The following GRIA2 variants were observed in gnomAD, a reference collection of about 807,000 sequenced individuals.
GRIA2 encodes the protein glutamate receptor 2.
In GRIA2, 14 loss-of-function variants were observed where a neutral mutation model predicts 97.3. The ratio of observed to expected loss-of-function variants is 0.14; its 90% CI spans 0.10 to 0.23. The LOEUF (loss-of-function observed/expected upper bound fraction) is 0.23, where lower values mean the gene tolerates loss of function less well. Ranked by LOEUF, GRIA2 falls within the 10% of genes least tolerant of loss-of-function variation. GRIA2 has a pLI of 1.00. For synonymous variants in GRIA2, 412 were observed against 387.8 expected (o/e 1.06, Z -0.73); for missense variants, 558 against 1,069.8 (o/e 0.52, Z 6.67).
At chr4:157,274,764 T>C (rs1732205711) in intron 2 of GRIA2, among the ~76,000 whole-genome samples, 1 of 151,790 alleles carries the variant, frequency 6.6e-6, no homozygotes, top group Non-Finnish European at 1.5e-5. Flanking sequence ...ATCCAGTCTA[T>C]CATTGTTGGA....
chr4:157,291,655 C>A (rs1276757163), intron 2 of GRIA2, among the ~76,000 whole-genome samples: 1 of 151,810 alleles, frequency 6.6e-6, no homozygotes. Flanking sequence ...GCATAGATCC[C>A]ATATTAATGG....
intron 2 of GRIA2, among the ~76,000 whole-genome samples, chr4:157,275,801 G>A (rs557332115): frequency 7.9e-5 from 12 of 151,936 alleles, no homozygotes; most frequent in Admixed American, 3.9e-4. Context: ...GTCAGGTAGC[G>A]TGATGCCTCC....
chr4:157,326,034 C>A (rs1488412450), intron 6 of GRIA2, among the ~76,000 whole-genome samples: 1 of 152,108 alleles, frequency 6.6e-6, no homozygotes, highest in African/African-American at 2.4e-5. Context: ...CCCTGTCACC[C>A]AGTCCCATGG....
chr4:157,230,823 A>T (rs1236535444), intron 2 of GRIA2, among the ~76,000 whole-genome samples: 1 of 151,794 alleles, frequency 6.6e-6, no homozygotes, highest in Non-Finnish European at 1.5e-5. Flanking sequence ...GGCACTATGC[A>T]TTTGGTTTTG....
chr4:157,295,405 G>A (rs1056890825), intron 2 of GRIA2, among the ~76,000 whole-genome samples: 9 of 152,032 alleles, frequency 5.9e-5, no homozygotes, highest in African/African-American at 2.2e-4. Context: ...TCATCATTGA[G>A]GCAATTTATG....
intron 2 of GRIA2, among the ~76,000 whole-genome samples, chr4:157,279,071 C>G (rs1732477550): frequency 6.6e-6 from 1 of 152,062 alleles, no homozygotes; most frequent in Non-Finnish European, 1.5e-5. Flanking sequence ...ACTAAACATA[C>G]TTTTATCATA....
intron 12 of GRIA2, among the ~76,000 whole-genome samples, chr4:157,347,990 G>A (rs1334072523): frequency 3.3e-5 from 5 of 152,074 alleles, no homozygotes; most frequent in African/African-American, 7.2e-5. Context: ...TGAGCGTGAC[G>A]GCACGTGCCC....
At chr4:157,308,840 G>A (rs941756177) in intron 3 of GRIA2, among the ~76,000 whole-genome samples, 2 of 152,250 alleles carry the variant, frequency 1.3e-5, no homozygotes, top group Middle Eastern at 6.8e-3. Context: ...ACAAATCTGT[G>A]TTATGTTTGA....
chr4:157,249,376 T>A (rs1730923439), intron 2 of GRIA2: 1 of 152,184 alleles, frequency 6.6e-6, no homozygotes, highest in African/African-American at 2.4e-5. Context: ...AACATTCTAA[T>A]CCTTACTACC....
intron 2 of GRIA2, among the ~76,000 whole-genome samples, chr4:157,275,003 A>G (rs923233339): frequency 2.6e-5 from 4 of 151,278 alleles, no homozygotes; most frequent in Non-Finnish European, 1.5e-5. Flanking sequence ...AAGTGTTCCT[A>G]TTTCTCCACA....
At chr4:157,356,835 A>G (rs1736403600) in intron 12 of GRIA2, among the ~76,000 whole-genome samples, 1 of 152,152 alleles carries the variant, frequency 6.6e-6, no homozygotes, top group Non-Finnish European at 1.5e-5. Context: ...TCCCCAGTGC[A>G]TCAGGTAGAC....
At chr4:157,305,579 T>G (rs1733806692) in intron 3 of GRIA2, among the ~76,000 whole-genome samples, 1 of 152,172 alleles carries the variant, frequency 6.6e-6, no homozygotes, top group African/African-American at 2.4e-5. Flanking sequence ...TCTTGCTCAC[T>G]CATTAAAGGT....
intron 3 of GRIA2, among the ~76,000 whole-genome samples, chr4:157,308,905 G>A (rs1051344858): frequency 6.6e-6 from 1 of 151,972 alleles, no homozygotes; most frequent in African/African-American, 2.4e-5. Context: ...TTTAAAAATG[G>A]TATATTGATT....
In GRIA2 at chr4:157,321,487, TC is replaced by T; in HGVS notation, c.771del (p.Ser258LeufsTer5). On this transcript the variant is annotated frameshift_variant, in exon 6 of 16. Coordinates refer to ENST00000264426, the MANE Select transcript of GRIA2 (RefSeq NM_001083619.3). LOFTEE classifies it high-confidence loss of function. ...LLKIQFGGANVSGFQIVDYDD... is the reference protein window; with the variant it reads ...LLKIQFGGANXSGFQIVDYDD... The stretch of plus-strand genomic sequence containing the variant: ...AAAATCCAGTTTGGAGGTGCAAATG[TC>T]TCTGGATTTCAGATAGTGGACTATG... The T allele has an allele frequency of 6.2e-7, 1 of 1,609,488 alleles. No individual in the cohort carries two copies. Among genetic ancestry groups the T allele is most frequent in the Non-Finnish European group, 8.5e-7 (1 of 1,175,918 alleles).
Position 157,361,202 on chromosome 4 carries a change from C to A in GRIA2, c.2406+78C>A. On this transcript the variant is annotated intron_variant, in intron 14 of 15. Coordinates refer to ENST00000264426, the MANE Select transcript of GRIA2 (RefSeq NM_001083619.3). This position sits in a 1 kb window ranked among gnomAD's most constrained non-coding sequence, Gnocchi z 5.2. Reference sequence around the variant, plus strand: ...AGCAGCTATGCACAGTGTGGGCACTCCGTGCCACCAAGTTTCCAACGCTAA... The same window carrying A: ...AGCAGCTATGCACAGTGTGGGCACTACGTGCCACCAAGTTTCCAACGCTAA... The A allele has an allele frequency of 9.1e-7, 1 of 1,103,944 alleles. No individual in the cohort carries two copies. Among genetic ancestry groups the A allele is most frequent in the East Asian group, 2.4e-5 (1 of 41,794 alleles). The allele number at this position is 1,103,944 out of a possible 1,614,324, so 68.4% of individuals were successfully genotyped here.
chr4:157,236,757 G>C (rs1421736000), intron 2 of GRIA2, among the ~76,000 whole-genome samples: 2 of 152,008 alleles, frequency 1.3e-5, no homozygotes, highest in African/African-American at 4.8e-5. Context: ...ATGGTAAGAC[G>C]TTATTTGTAT....
intron 12 of GRIA2, among the ~76,000 whole-genome samples, chr4:157,356,063 ATATATT>A (rs1736336890): frequency 8.7e-6 from 1 of 115,468 alleles, no homozygotes; most frequent in South Asian, 2.4e-4. Context: ...ATATATATTT[ATATATT>A]TATATTTATT....
chr4:157,241,536 G>T (rs576793149), intron 2 of GRIA2, among the ~76,000 whole-genome samples: 26 of 152,056 alleles, frequency 1.7e-4, no homozygotes, highest in Non-Finnish European at 2.5e-4. Flanking sequence ...AGTTGATTTT[G>T]CCCTTCTTGT....
chr4:157,233,651 G>C (rs1207742340), intron 2 of GRIA2, among the ~76,000 whole-genome samples: 1 of 151,960 alleles, frequency 6.6e-6, no homozygotes, highest in Non-Finnish European at 1.5e-5. Flanking sequence ...AGATTAATTT[G>C]TCAGAAACGT....
Sources: gnomAD v4.1 joint callset for allele counts (sites outside exome capture counted in the v4.1 genomes callset) on GRCh38, gnomAD v4.1.1 for gene constraint, Gnocchi (gnomAD v3.1) non-coding constraint, MANE v1.5 for transcripts, NCBI Gene and HGNC (gene_info 2026-07-23, HGNC 2026-07-21) for gene names.